The following PTPRD variants were observed in gnomAD, a reference collection of about 807,000 sequenced individuals.
PTPRD encodes the protein receptor-type tyrosine-protein phosphatase delta.
A neutral mutation model predicts 214.5 loss-of-function variants in PTPRD; 34 were observed. The ratio of observed to expected loss-of-function variants is 0.16; its 90% CI spans 0.12 to 0.21. The LOEUF is 0.21. Ranked by LOEUF, PTPRD falls within the 10% of genes least tolerant of loss-of-function variation. PTPRD has a pLI of 1.00. For synonymous variants in PTPRD, 1,128 were observed against 845.7 expected (o/e 1.33, Z -5.79); for missense variants, 2,545 against 2,398.7 (o/e 1.06, Z -1.27).
chr9:9,622,625 C>G lies in PTPRD; in HGVS notation c.-286-47844G>C, dbSNP rs184245290. On this transcript the variant is annotated intron_variant, in intron 7 of 45. Coordinates refer to ENST00000381196, the MANE Select transcript of PTPRD (RefSeq NM_002839.4). ...ACTGAAGCCCACCATCATGTAAGTT[C>G]TGATCATTGCTGGGATCACCGAAAA... is the stretch of plus-strand genomic sequence containing the variant. Among the ~76,000 whole-genome samples the G allele has an allele frequency of 2.6e-4, 39 of 152,224 alleles. No individual in the cohort carries two copies. The East Asian group carries it at 6.9e-3, about 27-fold the overall frequency.
At chr9:8,356,210 T>A (rs2076960865) in intron 39 of PTPRD, among the ~76,000 whole-genome samples, 1 of 152,136 alleles carries the variant, frequency 6.6e-6, no homozygotes, top group Non-Finnish European at 1.5e-5. Context: ...ACCTTTTGAG[T>A]TTTCTTTGCA....
In PTPRD at chr9:8,389,114, G is replaced by A. The variant is rs2088456305; in HGVS notation, c.4386+118C>T. On this transcript the variant is annotated intron_variant, in intron 37 of 45. Coordinates refer to ENST00000381196, the MANE Select transcript of PTPRD (RefSeq NM_002839.4). ...AGTTGTTGATGCCCATTCATAATTAGTATCTGTTAGAAAGATAAGCCTTAG... is the reference window on the plus strand; with the variant it reads ...AGTTGTTGATGCCCATTCATAATTAATATCTGTTAGAAAGATAAGCCTTAG... The A allele has an allele frequency of 1.7e-5, 13 of 756,090 alleles. No individual in the cohort carries two copies. The South Asian group carries it at 2.6e-4, about 15-fold the overall frequency. The allele number at this position is 756,090 out of a possible 1,614,324, so 46.8% of individuals were successfully genotyped here. A position where few individuals can be genotyped will look rare whatever the true frequency, so the allele number is the denominator to read the frequency against.
chr9:9,667,247 G>T (rs114044998), intron 7 of PTPRD, among the ~76,000 whole-genome samples: 1 of 151,912 alleles, frequency 6.6e-6, no homozygotes, highest in South Asian at 2.1e-4. Flanking sequence ...CTCTATCAAA[G>T]CTCCAAATAT....
intron 12 of PTPRD, among the ~76,000 whole-genome samples, chr9:8,691,500 G>A (rs948734692): frequency 7.3e-5 from 11 of 151,158 alleles, no homozygotes; most frequent in African/African-American, 2.7e-4. Context: ...AAAAAAAAAT[G>A]AACAAACCTC....
intron 3 of PTPRD, among the ~76,000 whole-genome samples, chr9:10,281,071 A>G (rs1332779752): frequency 6.6e-6 from 1 of 152,194 alleles, no homozygotes; most frequent in Non-Finnish European, 1.5e-5. Context: ...AATTTTCCCA[A>G]GCAAATCTGT....
chr9:9,278,714 T>A (rs889787048), intron 9 of PTPRD, among the ~76,000 whole-genome samples: 2 of 151,366 alleles, frequency 1.3e-5, no homozygotes, highest in African/African-American at 4.8e-5. Flanking sequence ...CCTGCGGAAT[T>A]CTCTGAGTTT....
At chr9:10,051,797 C>T (rs1275343689) in intron 3 of PTPRD, among the ~76,000 whole-genome samples, 3 of 152,164 alleles carry the variant, frequency 2.0e-5, no homozygotes, top group African/African-American at 4.8e-5. Context: ...GACACAATTA[C>T]TCTTCTCTTT....
intron 8 of PTPRD, among the ~76,000 whole-genome samples, chr9:9,557,656 G>A (rs1350228368): frequency 6.6e-6 from 1 of 152,036 alleles, no homozygotes; most frequent in Non-Finnish European, 1.5e-5. Context: ...TAAGAACCTT[G>A]GTCTCCACAC....
chr9:9,284,708 G>A (rs1357372600), intron 9 of PTPRD, among the ~76,000 whole-genome samples: 1 of 151,750 alleles, frequency 6.6e-6, no homozygotes, highest in East Asian at 2.0e-4. Context: ...CAGCCTTTTA[G>A]AGAAAAGTGT....
At chr9:8,574,154 T>G (rs552473935) in intron 14 of PTPRD, among the ~76,000 whole-genome samples, 5 of 151,922 alleles carry the variant, frequency 3.3e-5, no homozygotes, top group Admixed American at 1.3e-4. Flanking sequence ...AATTTAGTCT[T>G]TCAGATTGAA....
chr9:10,369,867 A>G (rs2097578701), intron 2 of PTPRD, among the ~76,000 whole-genome samples: 1 of 152,128 alleles, frequency 6.6e-6, no homozygotes, highest in Admixed American at 6.6e-5. Flanking sequence ...CATAAATAGC[A>G]TGTCATATTA....
At chr9:9,630,218 T>C (rs1230013841) in intron 7 of PTPRD, among the ~76,000 whole-genome samples, 1 of 152,206 alleles carries the variant, frequency 6.6e-6, no homozygotes, top group African/African-American at 2.4e-5. Flanking sequence ...CTCTTCTTAA[T>C]GGGGATAGGT....
At chr9:8,382,526 AG>A (rs2085435632) in intron 37 of PTPRD, among the ~76,000 whole-genome samples, 1 of 152,204 alleles carries the variant, frequency 6.6e-6, no homozygotes, top group African/African-American at 2.4e-5. Context: ...TAAGTAGAGC[AG>A]GTGGGGTGGG....
At chr9:8,388,743 A>T (rs1199901116) in intron 37 of PTPRD, among the ~76,000 whole-genome samples, 1 of 152,160 alleles carries the variant, frequency 6.6e-6, no homozygotes, top group Non-Finnish European at 1.5e-5. Context: ...CAGCCACATC[A>T]TTTTTCCAGC....
At chr9:10,323,135 C>T (rs1455539652) in intron 3 of PTPRD, among the ~76,000 whole-genome samples, 1 of 151,700 alleles carries the variant, frequency 6.6e-6, no homozygotes, top group Non-Finnish European at 1.5e-5. Context: ...CCTAAATATA[C>T]ATCAATTCTT....
At chr9:10,495,463 C>T (rs889272210) in intron 2 of PTPRD, among the ~76,000 whole-genome samples, 2 of 151,798 alleles carry the variant, frequency 1.3e-5, no homozygotes, top group Non-Finnish European at 3.0e-5. Context: ...TCCTCATTCA[C>T]CTTTTATTAT....
At chr9:9,606,998 A>T (rs2094202542) in intron 7 of PTPRD, among the ~76,000 whole-genome samples, 1 of 127,564 alleles carries the variant, frequency 7.8e-6, no homozygotes, top group Non-Finnish European at 1.7e-5. Context: ...AAAAAAAAAA[A>T]AAAAAAAGTG....
rs954797329 is a variant in PTPRD at position 8,465,798 on chromosome 9, T to C, written c.3505-123A>G. ...CCAAATGCAATTTGTTCACATTTCA[T>C]ATAGCACATCAGCATCACTAAATCT... On this transcript the variant is annotated intron_variant, in intron 31 of 45. Transcript: ENST00000381196. 2.1e-5 allele frequency: 15 copies of C among 727,926 alleles called. No individual in the cohort carries two copies. In the African/African-American group the frequency reaches 2.2e-4, roughly 10 times the overall value. The allele number at this position is 727,926 out of a possible 1,614,324, so 45.1% of individuals were successfully genotyped here.
Position 9,354,919 on chromosome 9 carries a change from T to G in PTPRD, c.-203+42530A>C, listed in dbSNP as rs542630387. ...TAAGGATAGTCCATGCCTGGCATTT[T>G]CAATGAATAGCAAAGGAGGAAAATG... On this transcript the variant is annotated intron_variant, in intron 9 of 45. Transcript: ENST00000381196. Among the ~76,000 whole-genome samples, 263 of 151,900 alleles carry G rather than the reference T, an allele frequency of 1.7e-3. 2 individuals carry two copies. Among genetic ancestry groups the G allele is most frequent in the African/African-American group, 5.7e-3 (238 of 41,502 alleles).
Sources: allele counts gnomAD v4.1 joint callset (sites outside exome capture counted in the v4.1 genomes callset), GRCh38; gene constraint gnomAD v4.1.1; transcripts MANE v1.5; gene names NCBI Gene and HGNC (gene_info 2026-07-23, HGNC 2026-07-21).